USP48: variants seen among roughly 807,000 people sequenced by gnomAD.
The protein encoded by USP48 is ubiquitin specific peptidase 48, also known as ubiquitin carboxyl-terminal hydrolase 48.
In USP48, 43 loss-of-function variants were observed where a neutral mutation model predicts 150.7. The ratio of observed to expected loss-of-function variants is 0.29; its 90% CI spans 0.22 to 0.37. The LOEUF (loss-of-function observed/expected upper bound fraction) is 0.37, where lower values mean the gene tolerates loss of function less well. Ranked by LOEUF, USP48 falls within the 10% of genes least tolerant of loss-of-function variation. USP48 has a pLI of 1.00. For missense variants in USP48, 813 were observed against 1,249.6 expected (o/e 0.65, Z 5.27); for synonymous variants, 396 against 425.9 (o/e 0.93, Z 0.86).
chr1:21,705,598 C>T (rs1344003037), intron 19 of USP48, 129 bp downstream of exon 19: 1 of 635,924 alleles, frequency 1.6e-6, no homozygotes, highest in African/African-American at 1.9e-5. Flanking sequence ...AAAAAAAAAC[C>T]CCACAATTCA....
At chr1:21,744,866 T>C (rs1225199953) in intron 8 of USP48, among the ~76,000 whole-genome samples, 5 of 151,490 alleles carry the variant, frequency 3.3e-5, no homozygotes, top group Non-Finnish European at 5.9e-5. Context: ...GGGGCTAATG[T>C]TCAAAAATGA....
chr1:21,706,490 G>A lies in USP48; in HGVS notation c.2188C>T (p.Pro730Ser). 6.2e-7 allele frequency: 1 copy of A among 1,614,136 alleles called. No individual in the cohort carries two copies. Among genetic ancestry groups the A allele is most frequent in the Non-Finnish European group, 8.5e-7 (1 of 1,180,018 alleles). ...LPNLFQDKNR[P>S]CLSNWPEDTD... is the part of the protein sequence containing the mutation. ...ACCTCTGGCCAGTTACTGAGACACG[G>A]TCTGTTTTTATCCTGGAACAAATTT... is the stretch of plus-strand genomic sequence containing the variant. The change falls in exon 17 of 27, where the codon CCG becomes TCG. Residue 730 changes from proline to serine, a missense_variant. Physicochemically the swap from Pro to Ser is moderately conservative, Grantham distance 74. Coordinates refer to ENST00000308271, the MANE Select transcript of USP48 (RefSeq NM_032236.8).
intron 1 of USP48, among the ~76,000 whole-genome samples, chr1:21,769,178 C>T (rs1453021461): frequency 6.6e-6 from 1 of 152,054 alleles, no homozygotes; most frequent in Non-Finnish European, 1.5e-5. Context: ...TCTTACTTCC[C>T]AACTGATGAG....
intron 1 of USP48, among the ~76,000 whole-genome samples, chr1:21,777,843 CT>C (rs772577340): frequency 2.0e-5 from 3 of 151,854 alleles, no homozygotes; most frequent in Admixed American, 6.6e-5. Context: ...AAGAACACAA[CT>C]TGGCTGGATG....
Position 21,736,467 on chromosome 1 carries a change from G to A in USP48, c.1150C>T (p.Leu384=). The change falls in exon 9 of 27, where the codon CTA becomes TTA. Residue 384 remains leucine (L), a synonymous_variant. Transcript: ENST00000308271. ...TTACCTAGATCTTCCTCAATCCCTA[G>A]TTGTAATTTCTTCCCCTCCATCTTT... ...IEKMEGKKLQ[L]GIEEDLAEPS... 6.2e-7 allele frequency: 1 copy of A among 1,611,138 alleles called. No homozygotes were observed.
chr1:21,687,876 A>G (rs1489646666), intron 24 of USP48, among the ~76,000 whole-genome samples: 1 of 152,170 alleles, frequency 6.6e-6, no homozygotes, highest in Non-Finnish European at 1.5e-5. Context: ...TTTCAAAACC[A>G]TTTCACAGAA....
intron 8 of USP48, among the ~76,000 whole-genome samples, chr1:21,737,530 A>G (rs1421473772): frequency 1.3e-5 from 2 of 152,254 alleles, no homozygotes; most frequent in East Asian, 3.8e-4. Context: ...TTCAAAGTGA[A>G]CTAAAATGTC....
At chr1:21,697,764 T>C (rs780247119) in intron 22 of USP48, among the ~76,000 whole-genome samples, 25 of 152,014 alleles carry the variant, frequency 1.6e-4, no homozygotes, top group Non-Finnish European at 3.5e-4. Context: ...AATTTTATTT[T>C]AGAAGTACAA....
intron 6 of USP48, 75 bp from the exon 7 acceptor site, chr1:21,748,346 G>C: frequency 7.3e-7 from 1 of 1,370,706 alleles, no homozygotes; most frequent in Non-Finnish European, 9.8e-7. Context: ...TTGATGTAAA[G>C]TATAATTTCA....
chr1:21,687,074 G>T (rs897524241), intron 25 of USP48, 117 bp downstream of exon 25: 35 of 917,298 alleles, frequency 3.8e-5, no homozygotes, highest in Non-Finnish European at 5.3e-5. Flanking sequence ...GTAACAATAT[G>T]TGGAAGCTTT....
At chr1:21,752,755 T>A in intron 4 of USP48, 104 bp from the exon 5 acceptor site, 2 of 1,348,564 alleles carry the variant, frequency 1.5e-6, no homozygotes, top group Non-Finnish European at 2.0e-6. Context: ...TACTTTCAAC[T>A]TAGCATTTTC....
chr1:21,755,956 G>A (rs1014799573), intron 3 of USP48, among the ~76,000 whole-genome samples: 9 of 151,326 alleles, frequency 5.9e-5, no homozygotes, highest in Non-Finnish European at 1.0e-4. Context: ...ACCTGAGGTC[G>A]GGAGTTCAAG....
At chr1:21,685,020 G>T (rs1397279233) in intron 25 of USP48, among the ~76,000 whole-genome samples, 2 of 151,986 alleles carry the variant, frequency 1.3e-5, no homozygotes, top group Non-Finnish European at 2.9e-5. Context: ...GGCTATTCAG[G>T]GTCTTTTGTG....
intron 1 of USP48, among the ~76,000 whole-genome samples, chr1:21,781,173 C>A (rs2097913540): frequency 6.9e-6 from 1 of 144,662 alleles, no homozygotes; most frequent in Non-Finnish European, 1.5e-5. Flanking sequence ...AATGCCAGCA[C>A]TTTGGGAGGC....
In USP48 at chr1:21,744,619, T is replaced by G. The variant is rs562821615; in HGVS notation, c.991+2448A>C. ...AGTGAAACCCCGTCTCTACTAAAAA[T>G]ACAAAAAATTAGCCAGGCATGGTGG... is the stretch of plus-strand genomic sequence containing the variant. On this transcript the variant is annotated intron_variant, in intron 8 of 26. Coordinates refer to ENST00000308271, the MANE Select transcript of USP48 (RefSeq NM_032236.8). Among the ~76,000 whole-genome samples the G allele has an allele frequency of 4.7e-5, 7 of 149,994 alleles. No homozygotes were observed. In the East Asian group the frequency reaches 1.2e-3, roughly 25 times the overall value.
intron 21 of USP48, 54 bp from the exon 22 acceptor site, chr1:21,701,656 TATGGAGG>T: frequency 1.3e-6 from 2 of 1,521,994 alleles, no homozygotes; most frequent in Non-Finnish European, 1.8e-6. Flanking sequence ...GAAGGCAGGC[TATGGAGG>T]ATGTGGGGGC....
chr1:21,726,974 TG>T (rs2097739390), intron 11 of USP48, among the ~76,000 whole-genome samples: 2 of 151,128 alleles, frequency 1.3e-5, no homozygotes. Context: ...AAAAAAAACC[TG>T]GATTTTGAAC....
intron 22 of USP48, among the ~76,000 whole-genome samples, chr1:21,695,747 C>T (rs1295330767): frequency 6.6e-6 from 1 of 152,122 alleles, no homozygotes. Context: ...ACATAATAAA[C>T]TGAAAATCTT....
At chr1:21,779,086 A>T (rs910327499) in intron 1 of USP48, among the ~76,000 whole-genome samples, 10 of 151,916 alleles carry the variant, frequency 6.6e-5, no homozygotes, top group African/African-American at 2.2e-4. Flanking sequence ...CAGCAAAAAA[A>T]TTTTGTTTAA....
Sources: gnomAD v4.1 joint callset for allele counts (sites outside exome capture counted in the v4.1 genomes callset) on GRCh38, gnomAD v4.1.1 for gene constraint, MANE v1.5 for transcripts, NCBI Gene and HGNC (gene_info 2026-07-23, HGNC 2026-07-21) for gene names.